The following TRAK1 variants were observed in gnomAD, a reference collection of about 807,000 sequenced individuals.
The protein encoded by TRAK1 is trafficking kinesin-binding protein 1.
In TRAK1, 33 loss-of-function variants were observed where a neutral mutation model predicts 92.1. The ratio of observed to expected loss-of-function variants is 0.36; its 90% CI spans 0.27 to 0.48. The LOEUF (loss-of-function observed/expected upper bound fraction) is 0.48. Among genes scored for constraint, TRAK1 ranks in the 20% least tolerant of loss-of-function variants. TRAK1 has a pLI of 0.99. For missense variants in TRAK1, 1,123 were observed against 1,257.9 expected (o/e 0.89, Z 1.62); for synonymous variants, 521 against 517.3 (o/e 1.01, Z -0.10).
At chr3:42,214,120 TTC>T (rs1709392903) in intron 14 of TRAK1, among the ~76,000 whole-genome samples, 1 of 152,180 alleles carries the variant, frequency 6.6e-6, no homozygotes, top group African/African-American at 2.4e-5. Context: ...GTTGAGCATT[TTC>T]TCTCTGGTAT....
chr3:42,028,944 A>G lies in TRAK1; in HGVS notation c.-519+14827A>G, dbSNP rs188335079. On this transcript the variant is annotated intron_variant, in intron 1 of 16. Coordinates refer to the TRAK1 transcript ENST00000487159. The stretch of plus-strand genomic sequence containing the variant: ...CTAGGATTGGGTAATTTACAAAGAA[A>G]AGGTTTGATTGGCTCATGGTTCTAC... Among the ~76,000 whole-genome samples, 17 of 152,246 alleles carry G rather than the reference A, an allele frequency of 1.1e-4. No individual in the cohort carries two copies. The East Asian group carries it at 3.3e-3, about 29-fold the overall frequency.
At chr3:42,220,073 T>C (rs1191710969) in intron 15 of TRAK1, among the ~76,000 whole-genome samples, 1 of 152,146 alleles carries the variant, frequency 6.6e-6, no homozygotes, top group Admixed American at 6.5e-5. Context: ...GGCTAAAGTC[T>C]GTTGGATTTT....
Position 42,202,700 on chromosome 3 carries a change from C to CA in TRAK1, c.1693dup (p.Ser565LysfsTer8). On this transcript the variant is annotated frameshift_variant, in exon 13 of 16. Transcript: ENST00000327628. LOFTEE classifies it high-confidence loss of function. This position sits in a 1 kb window ranked among gnomAD's most constrained non-coding sequence, Gnocchi z 6.1. ...TCACCGGCTTCTCTGGCATGTCCTT[C>CA]AGCAGCCGCTCCTACCTGCCTGAGA... 6.2e-7 allele frequency: 1 copy of CA among 1,613,716 alleles called. No individual in the cohort carries two copies. Among genetic ancestry groups the CA allele is most frequent in the Non-Finnish European group, 8.5e-7 (1 of 1,179,952 alleles).
intron 1 of TRAK1, among the ~76,000 whole-genome samples, chr3:42,061,662 C>T (rs1175643491): frequency 6.6e-6 from 1 of 152,120 alleles, no homozygotes; most frequent in Non-Finnish European, 1.5e-5. Context: ...AGTACAAATA[C>T]AAGAGAATTT....
chr3:42,052,042 G>T (rs1474439288), intron 1 of TRAK1, among the ~76,000 whole-genome samples: 1 of 152,164 alleles, frequency 6.6e-6, no homozygotes, highest in Non-Finnish European at 1.5e-5. Context: ...GATTAAATCT[G>T]CAGACTCCAT....
At chr3:42,147,453 C>G (rs370608931) in intron 2 of TRAK1, among the ~76,000 whole-genome samples, 47 of 152,268 alleles carry the variant, frequency 3.1e-4, no homozygotes, top group South Asian at 1.4e-3. Context: ...GTGTCATTCC[C>G]TTGTCTCCTA....
intron 1 of TRAK1, among the ~76,000 whole-genome samples, chr3:42,025,841 G>T (rs1042246637): frequency 6.6e-6 from 1 of 152,186 alleles, no homozygotes; most frequent in African/African-American, 2.4e-5. Flanking sequence ...GATGTTCTTA[G>T]GCGGTGTTCC....
At chr3:42,149,738 C>T in intron 2 of TRAK1, 1 of 1,118,036 alleles carries the variant, frequency 8.9e-7, no homozygotes, top group Non-Finnish European at 1.3e-6. Context: ...CTGGCTCTGG[C>T]AATTCCAAAG....
At chr3:42,220,055 G>T (rs779327267) in intron 15 of TRAK1, among the ~76,000 whole-genome samples, 1 of 152,014 alleles carries the variant, frequency 6.6e-6, no homozygotes, top group Non-Finnish European at 1.5e-5. Flanking sequence ...ACACTACCCA[G>T]GCCCTATGGC....
At chr3:42,043,327 C>T (rs1046716770) in intron 1 of TRAK1, among the ~76,000 whole-genome samples, 1 of 151,956 alleles carries the variant, frequency 6.6e-6, no homozygotes, top group Non-Finnish European at 1.5e-5. Flanking sequence ...TCCTCTCTTT[C>T]CTATCCCCTC....
intron 13 of TRAK1, chr3:42,203,008 G>A (rs1699035971): frequency 7.7e-7 from 1 of 1,291,382 alleles, no homozygotes; most frequent in Non-Finnish European, 9.8e-7. Context: ...TGTGCACTGT[G>A]GTCTTCTAGT....
chr3:42,206,886 G>T (rs1468305149), intron 13 of TRAK1, among the ~76,000 whole-genome samples: 1 of 152,162 alleles, frequency 6.6e-6, no homozygotes, highest in Non-Finnish European at 1.5e-5. Flanking sequence ...CCTTGGGAGC[G>T]GGTGAGGAGA....
At chr3:42,076,413 A>T (rs1704162060) in intron 1 of TRAK1, among the ~76,000 whole-genome samples, 1 of 150,642 alleles carries the variant, frequency 6.6e-6, no homozygotes, top group African/African-American at 2.4e-5. Flanking sequence ...TTTAGTAGAG[A>T]TGGGGTTTCA....
intron 1 of TRAK1, among the ~76,000 whole-genome samples, chr3:42,029,400 G>A (rs1401545656): frequency 6.8e-6 from 1 of 146,462 alleles, no homozygotes; most frequent in Non-Finnish European, 1.5e-5. Context: ...CACCATGCCT[G>A]GCTAATTTTG....
At chr3:42,095,559 A>G (rs1253791260) in intron 1 of TRAK1, among the ~76,000 whole-genome samples, 1 of 152,226 alleles carries the variant, frequency 6.6e-6, no homozygotes, top group African/African-American at 2.4e-5. Context: ...AGAAGTTTTT[A>G]TGCACATATT....
In TRAK1 at chr3:42,223,296, C is replaced by T. The variant is rs371310346; in HGVS notation, c.2421C>T (p.Asp807=). ...FEFKCTSPPY[D]NFLASKPASS... ...TCAAGTGCACGAGCCCTCCCTACGA[C>T]AATTTCCTGGCTTCCAAGCCAGCCA... Residue 807 remains aspartate (D), a synonymous_variant, in exon 16 of 16, where the codon GAC becomes GAT. Coordinates refer to ENST00000327628, the MANE Select transcript of TRAK1 (RefSeq NM_001042646.3). The surrounding 1 kb of genome is among the most constrained non-coding windows in gnomAD (Gnocchi z 6.1). The T allele has an allele frequency of 1.2e-6, 2 of 1,614,112 alleles. No individual in the cohort carries two copies. Among genetic ancestry groups the T allele is most frequent in the Non-Finnish European group, 1.7e-6 (2 of 1,180,054 alleles).
At chr3:42,162,567 G>A (rs868482914) in intron 2 of TRAK1, among the ~76,000 whole-genome samples, 3 of 152,304 alleles carry the variant, frequency 2.0e-5, no homozygotes, top group Middle Eastern at 3.4e-3. Context: ...GGATAGTGAA[G>A]CAACAGTTCC....
intron 14 of TRAK1, chr3:42,210,916 G>T: frequency 1.0e-6 from 1 of 985,440 alleles, no homozygotes; most frequent in Non-Finnish European, 1.2e-6. Flanking sequence ...TTGCCACTGG[G>T]ATGAAAAGCT....
At chr3:42,044,366 T>C (rs1055696319) in intron 1 of TRAK1, among the ~76,000 whole-genome samples, 2 of 152,190 alleles carry the variant, frequency 1.3e-5, no homozygotes, top group East Asian at 1.9e-4. Context: ...TTCACCGTGC[T>C]ACCCGGGCTG....
Sources: gnomAD v4.1 joint callset for allele counts (sites outside exome capture counted in the v4.1 genomes callset) on GRCh38, gnomAD v4.1.1 for gene constraint, Gnocchi (gnomAD v3.1) non-coding constraint, MANE v1.5 for transcripts, NCBI Gene and HGNC (gene_info 2026-07-23, HGNC 2026-07-21) for gene names.